PMM2: variants seen among roughly 807,000 people sequenced by gnomAD.
The protein encoded by PMM2 is phosphomannomutase 2, also known as mannose-6-phosphate isomerase.
Under a neutral mutation model 33.2 loss-of-function variants are expected in PMM2, and 35 were observed. The ratio of observed to expected loss-of-function variants is 1.06; its 90% CI spans 0.81 to 1.40. The LOEUF (loss-of-function observed/expected upper bound fraction) is 1.40, where lower values mean the gene tolerates loss of function less well. Among genes scored for constraint, PMM2 ranks in the 40% most tolerant of loss-of-function variants. PMM2 has a pLI of 0.00. For synonymous variants in PMM2, 153 were observed against 114.7 expected, an observed-to-expected ratio of 1.33 and a Z score of -2.13; for missense variants, 386 against 306.0, an observed-to-expected ratio of 1.26 and a Z score of -1.95.
intron 1 of PMM2, among the ~76,000 whole-genome samples, chr16:8,799,146 C>G (rs192686939): frequency 1.3e-5 from 2 of 152,268 alleles, no homozygotes; most frequent in African/African-American, 4.8e-5. Context: ...AACTTTAGTG[C>G]AAAACCAGCC....
At chr16:8,812,870 G>A (rs968740736) in intron 6 of PMM2, 121 bp from the exon 7 acceptor site, 4 of 735,814 alleles carry the variant, frequency 5.4e-6, no homozygotes, top group Admixed American at 1.9e-5. Flanking sequence ...GCAAACTAGA[G>A]TACTGAAAAT....
intron 7 of PMM2, among the ~76,000 whole-genome samples, chr16:8,831,750 A>C (rs2060811093): frequency 6.6e-6 from 1 of 152,216 alleles, no homozygotes; most frequent in Non-Finnish European, 1.5e-5. Context: ...GAGACTCATC[A>C]GCCCCCTGGC....
chr16:8,798,808 C>T (rs543658999), intron 1 of PMM2, among the ~76,000 whole-genome samples: 10 of 152,282 alleles, frequency 6.6e-5, no homozygotes, highest in African/African-American at 2.4e-4. Context: ...CCCCAATGGT[C>T]TCACTATCCT....
chr16:8,801,918 A>T lies in PMM2; in HGVS notation c.178+8A>T. The T allele has an allele frequency of 6.5e-7, 1 of 1,532,002 alleles. No homozygotes were observed. Among genetic ancestry groups the T allele is most frequent in the Non-Finnish European group, 9.0e-7 (1 of 1,106,958 alleles). 94.9% of individuals were successfully genotyped at this position (1,532,002 alleles called of 1,614,324 possible). A position where few individuals can be genotyped will look rare whatever the true frequency, so the allele number is the denominator to read the frequency against. On this transcript the variant is annotated splice_region_variant and intron_variant, in intron 2 of 7. Transcript: ENST00000268261. ...AGCAACTGGGAAATGATGGTAAATGATGGGTTGCTAATTACATCTGGTAAA... is the reference window on the plus strand; with the variant it reads ...AGCAACTGGGAAATGATGGTAAATGTTGGGTTGCTAATTACATCTGGTAAA...
At chr16:8,831,592 G>T (rs1872922588) in intron 7 of PMM2, among the ~76,000 whole-genome samples, 1 of 152,160 alleles carries the variant, frequency 6.6e-6, no homozygotes, top group Non-Finnish European at 1.5e-5. Context: ...GCTATAGGAG[G>T]CATCCACACA....
At chr16:8,820,512 C>G (rs2060732423) in intron 7 of PMM2, among the ~76,000 whole-genome samples, 1 of 152,072 alleles carries the variant, frequency 6.6e-6, no homozygotes, top group South Asian at 2.1e-4. Flanking sequence ...CACCACCACG[C>G]CTGGCTAATT....
chr16:8,834,866 A>C (rs1373674407), intron 7 of PMM2, among the ~76,000 whole-genome samples: 2 of 152,134 alleles, frequency 1.3e-5, no homozygotes, highest in Non-Finnish European at 2.9e-5. Flanking sequence ...AGAGAGATAC[A>C]GTCATGGGGG....
intron 7 of PMM2, among the ~76,000 whole-genome samples, chr16:8,827,744 A>T (rs985529475): frequency 1.7e-4 from 16 of 95,706 alleles, no homozygotes; most frequent in Admixed American, 1.3e-4. Flanking sequence ...ATATATATAT[A>T]TATATATATA....
At chr16:8,841,027 C>T (rs1036196749) in intron 7 of PMM2, among the ~76,000 whole-genome samples, 4 of 152,018 alleles carry the variant, frequency 2.6e-5, no homozygotes, top group Non-Finnish European at 5.9e-5. Flanking sequence ...ACTGTACCTA[C>T]CCTGTAGCAT....
At chr16:8,827,963 T>TTA (rs375365502) in intron 7 of PMM2, among the ~76,000 whole-genome samples, 25,398 of 116,572 alleles carry the variant, frequency 0.22, 3,068 homozygotes, top group East Asian at 0.25. Flanking sequence ...ATTTATAAAT[T>TTA]TATATATATA....
intron 7 of PMM2, among the ~76,000 whole-genome samples, chr16:8,822,763 A>G (rs2060745239): frequency 6.6e-6 from 1 of 152,222 alleles, no homozygotes; most frequent in African/African-American, 2.4e-5. Context: ...ACCCAAAGGT[A>G]GGAGGAGTGA....
At chr16:8,835,963 G>T (rs1401059137) in intron 7 of PMM2, among the ~76,000 whole-genome samples, 1 of 151,442 alleles carries the variant, frequency 6.6e-6, no homozygotes, top group Admixed American at 6.6e-5. Context: ...AATACTCAGG[G>T]AAGCAGATAA....
At chr16:8,817,283 G>GT (rs970803072) in intron 7 of PMM2, among the ~76,000 whole-genome samples, 12 of 152,214 alleles carry the variant, frequency 7.9e-5, no homozygotes, top group African/African-American at 2.7e-4. Flanking sequence ...AATGCTTTCA[G>GT]TGCAGGCTTT....
At chr16:8,803,134 AC>A (rs2060625561) in intron 2 of PMM2, among the ~76,000 whole-genome samples, 1 of 152,022 alleles carries the variant, frequency 6.6e-6, no homozygotes, top group South Asian at 2.1e-4. Flanking sequence ...GTGTAAAATT[AC>A]CCCCGTTTGA....
intron 4 of PMM2, chr16:8,808,865 G>A (rs1227171753): frequency 6.6e-6 from 1 of 152,248 alleles, no homozygotes; most frequent in East Asian, 1.9e-4. Context: ...GGACGGCCTG[G>A]ACATGGGATT....
intron 7 of PMM2, among the ~76,000 whole-genome samples, chr16:8,828,460 C>T (rs578103793): frequency 3.1e-4 from 47 of 152,164 alleles, no homozygotes; most frequent in African/African-American, 1.0e-3. Context: ...AAGGCTGTTA[C>T]ACTGGTCTTC....
Position 8,804,805 on chromosome 16 carries a change from T to G in PMM2, c.217T>G (p.Leu73Val), listed in dbSNP as rs1446327044. The change falls in exon 3 of 8, where the codon TTG becomes GTG. Residue 73 changes from leucine (L) to valine (V), a missense_variant. Transcript: ENST00000268261. ...CGATTATGTGTTTCCAGAAAATGGC[T>G]TGGTAGCATACAAAGATGGGAAACT... Reference protein sequence around the residue: ...KYDYVFPENGLVAYKDGKLLC... With the variant: ...KYDYVFPENGVVAYKDGKLLC... 1.2e-6 allele frequency: 2 copies of G among 1,613,506 alleles called. No homozygotes were observed. The highest frequency in any genetic ancestry group is 1.7e-6 in the Non-Finnish European group (2 of 1,179,422).
At chr16:8,832,274 G>GCGAGC (rs2060814811) in intron 7 of PMM2, 1 of 985,300 alleles carries the variant, frequency 1.0e-6, no homozygotes, top group African/African-American at 1.7e-5. Context: ...AGATGCTCCT[G>GCGAGC]CGAGCCGTGC....
chr16:8,833,200 G>A (rs2060821846), intron 7 of PMM2, among the ~76,000 whole-genome samples: 2 of 152,202 alleles, frequency 1.3e-5, no homozygotes, highest in African/African-American at 2.4e-5. Flanking sequence ...AGGCGGTGAA[G>A]TTAAGAGCAA....
Sources: gnomAD v4.1 joint callset for allele counts (sites outside exome capture counted in the v4.1 genomes callset) on GRCh38, gnomAD v4.1.1 for gene constraint, MANE v1.5 for transcripts, NCBI Gene and HGNC (gene_info 2026-07-23, HGNC 2026-07-21) for gene names.